TTC39B: variants seen among roughly 807,000 people sequenced by gnomAD.
The protein encoded by TTC39B is tetratricopeptide repeat domain 39B.
TTC39B carries 92 observed loss-of-function variants against 96.6 expected under a neutral mutation model. That is an observed-to-expected ratio of 0.95 (90% CI 0.80 to 1.13). The LOEUF (loss-of-function observed/expected upper bound fraction) is 1.13, where lower values mean the gene tolerates loss of function less well. Among genes scored for constraint, TTC39B ranks in the 50% most tolerant of loss-of-function variants. The pLI is 0.00. For synonymous variants in TTC39B, 367 were observed against 299.4 expected (o/e 1.23, Z -2.33); for missense variants, 955 against 809.3 (o/e 1.18, Z -2.18).
intron 1 of TTC39B, among the ~76,000 whole-genome samples, chr9:15,281,123 ACTTT>A (rs1474420429): frequency 6.6e-6 from 1 of 152,138 alleles, no homozygotes; most frequent in Non-Finnish European, 1.5e-5. Context: ...ATTTTAACAA[ACTTT>A]CTTTATTTCC....
intron 1 of TTC39B, among the ~76,000 whole-genome samples, chr9:15,268,302 G>C (rs914354883): frequency 6.6e-6 from 1 of 152,128 alleles, no homozygotes; most frequent in Admixed American, 6.5e-5. Flanking sequence ...GCCCGATGTA[G>C]TCTTTTCTTT....
intron 1 of TTC39B, among the ~76,000 whole-genome samples, chr9:15,302,228 A>C (rs1355932655): frequency 6.6e-6 from 1 of 151,906 alleles, no homozygotes; most frequent in Non-Finnish European, 1.5e-5. Flanking sequence ...CCGGAGGCTG[A>C]GGCAGGAGAA....
chr9:15,249,911 T>A, intron 2 of TTC39B: 1 of 1,263,826 alleles, frequency 7.9e-7, no homozygotes, highest in Non-Finnish European at 1.0e-6. Context: ...AAATATGACA[T>A]ACTCACAGAT....
chr9:15,193,014 A>T (rs1036889034), intron 8 of TTC39B, among the ~76,000 whole-genome samples: 1 of 152,216 alleles, frequency 6.6e-6, no homozygotes, highest in Non-Finnish European at 1.5e-5. Flanking sequence ...GCAGCATATC[A>T]CAGCGGACTC....
chr9:15,227,857 G>A (rs1399475869), intron 2 of TTC39B, among the ~76,000 whole-genome samples: 4 of 151,886 alleles, frequency 2.6e-5, no homozygotes, highest in Non-Finnish European at 5.9e-5. Context: ...TTACTTAGTC[G>A]TAACTATCAC....
At chr9:15,234,884 A>C (rs939283354) in intron 2 of TTC39B, among the ~76,000 whole-genome samples, 50 of 152,090 alleles carry the variant, frequency 3.3e-4, no homozygotes, top group African/African-American at 1.2e-3. Context: ...CCAGGGACAC[A>C]AACACTGCGG....
chr9:15,211,189 A>G lies in TTC39B; in HGVS notation c.614+77T>C, dbSNP rs540114155. 3.6e-6 allele frequency: 5 copies of G among 1,376,120 alleles called. No homozygotes were observed. The Admixed American group carries it at 8.8e-5, about 24-fold the overall frequency. 85.2% of individuals were successfully genotyped at this position (1,376,120 alleles called of 1,614,324 possible). A position where few individuals can be genotyped will look rare whatever the true frequency, so the allele number is the denominator to read the frequency against. On this transcript the variant is annotated intron_variant, in intron 5 of 19. Transcript: ENST00000512701. ...AATTTCAAACACAGAGCTTTTGGTC[A>G]GGCAAATGACATTATTTTTGTCACA...
intron 1 of TTC39B, among the ~76,000 whole-genome samples, chr9:15,287,967 A>T (rs1195854795): frequency 4.1e-5 from 5 of 122,194 alleles, no homozygotes; most frequent in African/African-American, 1.9e-4. Flanking sequence ...AAAAAAAAAA[A>T]AACATAAAAA....
intron 3 of TTC39B, among the ~76,000 whole-genome samples, chr9:15,223,414 A>T (rs1352591914): frequency 6.6e-6 from 1 of 152,238 alleles, no homozygotes; most frequent in Admixed American, 6.5e-5. Context: ...GTCACTTGAC[A>T]TCCGGGGTGT....
At chr9:15,298,983 C>T (rs1824482659) in intron 1 of TTC39B, among the ~76,000 whole-genome samples, 1 of 152,124 alleles carries the variant, frequency 6.6e-6, no homozygotes, top group Non-Finnish European at 1.5e-5. Context: ...AAGAAATGGC[C>T]TCCTCCAGGA....
chr9:15,220,976 C>A (rs1236560168), intron 3 of TTC39B, among the ~76,000 whole-genome samples: 2 of 152,186 alleles, frequency 1.3e-5, no homozygotes, highest in African/African-American at 4.8e-5. Context: ...AAGAAAACCA[C>A]AGCAGTGATG....
At chr9:15,183,409 C>T in intron 16 of TTC39B, 1 of 401,772 alleles carries the variant, frequency 2.5e-6, no homozygotes, top group South Asian at 1.8e-5. Context: ...CAGAAGAGGG[C>T]AAGCTCATAT....
chr9:15,287,366 C>G (rs12351114), intron 1 of TTC39B, among the ~76,000 whole-genome samples: 4,351 of 152,280 alleles, frequency 0.029, 213 homozygotes, highest in African/African-American at 0.099. Flanking sequence ...AGCTGAGAAA[C>G]AGCTAGAGAC....
intron 2 of TTC39B, among the ~76,000 whole-genome samples, chr9:15,247,798 C>G (rs1822347145): frequency 6.7e-6 from 1 of 149,528 alleles, no homozygotes. Flanking sequence ...TTCATAATAG[C>G]ATGATATTTA....
Position 15,306,949 on chromosome 9 carries a change from C to G in TTC39B, c.240+135G>C. 7.5e-7 allele frequency: 1 copy of G among 1,332,444 alleles called. No homozygotes were observed. Among genetic ancestry groups the G allele is most frequent in the Non-Finnish European group, 1.0e-6 (1 of 989,080 alleles). 82.5% of individuals were successfully genotyped at this position (1,332,444 alleles called of 1,614,324 possible). On this transcript the variant is annotated intron_variant, in intron 1 of 19. Coordinates refer to ENST00000512701, the Ensembl canonical transcript of TTC39B. This position sits in a 1 kb window ranked among gnomAD's most constrained non-coding sequence, Gnocchi z 5.1. ...CCTACCAAGGCCGGGCGCCCCCACCCGGCGCCCGCCAGCCCACCCCAGAGA... is the reference window on the plus strand; with the variant it reads ...CCTACCAAGGCCGGGCGCCCCCACCGGGCGCCCGCCAGCCCACCCCAGAGA...
At position 15,306,801 on chromosome 9, in the gene TTC39B, C is replaced by A. The variant is rs193066058; in HGVS notation, c.240+283G>T. On this transcript the variant is annotated intron_variant, in intron 1 of 19. Coordinates refer to ENST00000512701, the Ensembl canonical transcript of TTC39B. This position sits in a 1 kb window ranked among gnomAD's most constrained non-coding sequence, Gnocchi z 5.1. ...TCCTATGGTCCCGCGCCCTCACGCC[C>A]ATCCAAGTGCTGGCAGGACGTGGGT... 6.6e-6 allele frequency among the ~76,000 whole-genome samples: 1 copy of A among 152,312 alleles called. No homozygotes were observed. Among genetic ancestry groups the A allele is most frequent in the Non-Finnish European group, 1.5e-5 (1 of 68,016 alleles).
chr9:15,272,631 C>A (rs1045000431), intron 1 of TTC39B, among the ~76,000 whole-genome samples: 5 of 152,218 alleles, frequency 3.3e-5, no homozygotes, highest in African/African-American at 1.2e-4. Flanking sequence ...AAATAATACA[C>A]TGCCTCCAAA....
chr9:15,236,594 T>C (rs998181180), intron 2 of TTC39B, among the ~76,000 whole-genome samples: 8 of 152,104 alleles, frequency 5.3e-5, no homozygotes, highest in Admixed American at 3.3e-4. Context: ...CTCAATAAAA[T>C]CAAATAAATG....
intron 1 of TTC39B, among the ~76,000 whole-genome samples, chr9:15,290,774 T>C (rs1824157225): frequency 6.6e-6 from 1 of 152,214 alleles, no homozygotes; most frequent in Non-Finnish European, 1.5e-5. Flanking sequence ...TTTTTTTCTT[T>C]CCTGCTTTCC....
Sources: allele counts gnomAD v4.1 joint callset (sites outside exome capture counted in the v4.1 genomes callset), GRCh38; gene constraint gnomAD v4.1.1; non-coding constraint Gnocchi (gnomAD v3.1); transcripts MANE v1.5; gene names NCBI Gene and HGNC (gene_info 2026-07-23, HGNC 2026-07-21).